CNTNAP4: variants seen among roughly 807,000 people sequenced by gnomAD.
CNTNAP4 encodes contactin-associated protein-like 4.
CNTNAP4 carries 98 observed loss-of-function variants against 148.4 expected under a neutral mutation model. The observed-to-expected ratio is 0.66, with a 90% CI of 0.56 to 0.78. The LOEUF is 0.78. Ranked by LOEUF, CNTNAP4 falls within the 30% of genes least tolerant of loss-of-function variation. The probability of loss-of-function intolerance (pLI) is 0.00; values close to 1 mark genes in which losing one functional copy is unlikely to be tolerated. For synonymous variants in CNTNAP4, 730 were observed against 565.1 expected, an observed-to-expected ratio of 1.29 and a Z score of -4.14; for missense variants, 1,935 against 1,565.6, an observed-to-expected ratio of 1.24 and a Z score of -3.98.
intron 4 of CNTNAP4, among the ~76,000 whole-genome samples, chr16:76,429,161 C>T (rs1054584368): frequency 1.3e-5 from 2 of 152,118 alleles, no homozygotes; most frequent in African/African-American, 2.4e-5. Flanking sequence ...TAGTTCCTCA[C>T]GTCACAATTA....
chr16:76,431,551 C>T (rs374010336), intron 4 of CNTNAP4, among the ~76,000 whole-genome samples: 8 of 152,186 alleles, frequency 5.3e-5, no homozygotes, highest in Middle Eastern at 3.4e-3. Flanking sequence ...TGGCAGCGCA[C>T]GCCTGTAATC....
At chr16:76,449,101 G>C (rs914411673) in intron 6 of CNTNAP4, 150 bp downstream of exon 6, 1 of 670,868 alleles carries the variant, frequency 1.5e-6, no homozygotes, top group South Asian at 1.9e-5. Context: ...CACAGTGGCA[G>C]CTTTCGGTGT....
intron 1 of CNTNAP4, among the ~76,000 whole-genome samples, chr16:76,280,179 G>A (rs961521882): frequency 4.6e-5 from 7 of 152,232 alleles, no homozygotes; most frequent in African/African-American, 1.4e-4. Context: ...CAGCTGATGA[G>A]CCAGGAGCAA....
At chr16:76,294,184 G>A (rs561077457) in intron 1 of CNTNAP4, among the ~76,000 whole-genome samples, 8 of 152,114 alleles carry the variant, frequency 5.3e-5, no homozygotes, top group African/African-American at 1.2e-4. Context: ...TAAATGTGTC[G>A]CAATCCCTGC....
chr16:76,498,783 A>C, intron 15 of CNTNAP4, 89 bp downstream of exon 15: 10 of 1,281,450 alleles, frequency 7.8e-6, no homozygotes, highest in African/African-American at 1.5e-5. Flanking sequence ...TCTATCATAT[A>C]ATAACTAATC....
intron 3 of CNTNAP4, among the ~76,000 whole-genome samples, chr16:76,373,971 C>T (rs73625368): frequency 0.011 from 1,738 of 151,188 alleles, 30 homozygotes; most frequent in African/African-American, 0.038. Context: ...AGAATTGTGT[C>T]TATAAATCAG....
At chr16:76,283,237 C>A (rs1958756104) in intron 1 of CNTNAP4, among the ~76,000 whole-genome samples, 1 of 151,912 alleles carries the variant, frequency 6.6e-6, no homozygotes, top group Admixed American at 6.6e-5. Flanking sequence ...TAAAGCTATT[C>A]TACTTCAGAT....
intron 3 of CNTNAP4, among the ~76,000 whole-genome samples, chr16:76,403,144 G>A (rs192773645): frequency 1.3e-5 from 2 of 151,144 alleles, no homozygotes; most frequent in African/African-American, 4.9e-5. Context: ...CGGGGCTGGA[G>A]TGCAGTGGCG....
intron 12 of CNTNAP4, among the ~76,000 whole-genome samples, chr16:76,481,419 C>T (rs1014699878): frequency 6.6e-6 from 1 of 152,166 alleles, no homozygotes; most frequent in Non-Finnish European, 1.5e-5. Flanking sequence ...GTGGCTCACA[C>T]CTGTAATCCC....
chr16:76,547,755 A>G (rs2084797819), intron 21 of CNTNAP4, among the ~76,000 whole-genome samples: 1 of 152,208 alleles, frequency 6.6e-6, no homozygotes, highest in African/African-American at 2.4e-5. Flanking sequence ...TGGAGTCCGC[A>G]GAGCTCAGGA....
intron 21 of CNTNAP4, among the ~76,000 whole-genome samples, chr16:76,552,331 C>A (rs997728998): frequency 6.6e-6 from 1 of 152,090 alleles, no homozygotes; most frequent in Non-Finnish European, 1.5e-5. Context: ...GGACACAGAG[C>A]CAAACCATAT....
chr16:76,402,434 T>A (rs1197974335), intron 3 of CNTNAP4, among the ~76,000 whole-genome samples: 2 of 151,940 alleles, frequency 1.3e-5, no homozygotes, highest in Non-Finnish European at 2.9e-5. Context: ...GATCTTCTCT[T>A]TTTTCTTCTT....
intron 3 of CNTNAP4, among the ~76,000 whole-genome samples, chr16:76,425,346 G>A (rs571080071): frequency 1.9e-4 from 29 of 152,194 alleles, no homozygotes; most frequent in South Asian, 6.2e-4. Context: ...TGAGACATCC[G>A]TTGAACTTTT....
Position 76,343,774 on chromosome 16 carries a change from T to TAA in CNTNAP4, c.197-11544_197-11543insAA, listed in dbSNP as rs565980111. Among the ~76,000 whole-genome samples, 34 of 152,224 alleles carry TAA rather than the reference T, an allele frequency of 2.2e-4. No individual in the cohort carries two copies. The East Asian group carries it at 5.8e-3, about 26-fold the overall frequency. On this transcript the variant is annotated intron_variant, in intron 2 of 23. Coordinates refer to ENST00000611870, the MANE Select transcript of CNTNAP4 (RefSeq NM_033401.5). ...TTGTCTGATGAGGTAAAGAAATCAT[T>TAA]TAAAACACGTGTAATAATCAAGAAT... is the stretch of plus-strand genomic sequence containing the variant.
At chr16:76,279,561 T>A (rs913060661) in intron 1 of CNTNAP4, among the ~76,000 whole-genome samples, 3 of 152,202 alleles carry the variant, frequency 2.0e-5, no homozygotes, top group African/African-American at 7.2e-5. Flanking sequence ...GGTTCTATAT[T>A]CTTTCAGCCT....
chr16:76,496,090 TG>T (rs976717558), intron 14 of CNTNAP4, among the ~76,000 whole-genome samples: 9 of 142,640 alleles, frequency 6.3e-5, no homozygotes, highest in African/African-American at 2.5e-4. Flanking sequence ...TTATGTTGTG[TG>T]TGTGTGTGTG....
intron 14 of CNTNAP4, 100 bp downstream of exon 14, chr16:76,495,166 A>G (rs140256870): frequency 9.8e-6 from 12 of 1,223,842 alleles, no homozygotes; most frequent in African/African-American, 7.5e-5. Flanking sequence ...AAGTTAGTGC[A>G]ATGAAGTAAT....
chr16:76,406,126 T>C (rs1266068504), intron 3 of CNTNAP4, among the ~76,000 whole-genome samples: 1 of 152,128 alleles, frequency 6.6e-6, no homozygotes, highest in Non-Finnish European at 1.5e-5. Context: ...GTTAGTGCTA[T>C]TTTACAACAG....
At position 76,489,712 on chromosome 16, in the gene CNTNAP4, A is replaced by T; in HGVS notation, c.1909A>T (p.Asn637Tyr). 8 of 1,602,758 alleles carry T rather than the reference A, an allele frequency of 5.0e-6. No individual in the cohort carries two copies. Among genetic ancestry groups the T allele is most frequent in the Non-Finnish European group, 6.0e-6 (7 of 1,173,408 alleles). Residue 637 changes from asparagine to tyrosine, a missense_variant, in exon 13 of 24, where the codon AAC becomes TAC. Transcript: ENST00000611870. ...TETAWTIIQHNGSDLTRVRNT... is the reference protein window; with the variant it reads ...TETAWTIIQHYGSDLTRVRNT... ...AACTGCATGGACCATCATACAGCAC[A>T]ACGGCTCTGACTTAACAAGAGTCAG...
Sources: gnomAD v4.1 joint callset for allele counts (sites outside exome capture counted in the v4.1 genomes callset) on GRCh38, gnomAD v4.1.1 for gene constraint, MANE v1.5 for transcripts, NCBI Gene and HGNC (gene_info 2026-07-23, HGNC 2026-07-21) for gene names.